Variants in SASH3 observed in about 807,000 individuals in gnomAD.
SASH3 encodes SAM and SH3 domain-containing protein 3.
A neutral mutation model predicts 26.1 loss-of-function variants in SASH3; 7 were observed. The observed-to-expected ratio is 0.27, with a 90% CI of 0.15 to 0.50. The LOEUF (loss-of-function observed/expected upper bound fraction) is 0.50. Ranked by LOEUF, SASH3 falls within the 20% of genes least tolerant of loss-of-function variation. The pLI, the probability that SASH3 is intolerant of heterozygous loss-of-function variation, is 0.98. For missense variants in SASH3, 231 were observed against 318.3 expected (o/e 0.73, Z 2.09); for synonymous variants, 138 against 136.8 (o/e 1.01, Z -0.06).
At chrX:129,793,261 G>T in intron 7 of SASH3, 122 bp downstream of exon 7, 1 of 791,300 alleles carries the variant, frequency 1.3e-6, no homozygotes. Flanking sequence ...GCAGTGGAAA[G>T]GTACTTTCCA....
chrX:129,793,965 C>T lies in SASH3; in HGVS notation c.*133C>T. ...CCTGCTTCCCCAGGGACACTTAGGG[C>T]CACAGAGGCCAGGCCAGGGCCCTAC... is the stretch of plus-strand genomic sequence containing the variant. On this transcript the variant is annotated 3_prime_UTR_variant, in exon 8 of 8. Coordinates refer to ENST00000356892, the MANE Select transcript of SASH3 (RefSeq NM_018990.4). 1.6e-6 allele frequency: 1 copy of T among 630,484 alleles called. No individual in the cohort carries two copies. The highest frequency in any genetic ancestry group is 3.6e-5 in the Admixed American group (1 of 27,801). The allele number at this position is 630,484 out of a possible 1,213,427, so 52.0% of individuals were successfully genotyped here. A position where few individuals can be genotyped will look rare whatever the true frequency, so the allele number is the denominator to read the frequency against.
At position 129,793,929 on chromosome X, in the gene SASH3, C is replaced by G; in HGVS notation, c.*97C>G. On this transcript the variant is annotated 3_prime_UTR_variant, in exon 8 of 8. Coordinates refer to ENST00000356892, the MANE Select transcript of SASH3 (RefSeq NM_018990.4). ...GTGGCCCAGGTCCTGAGGACTGGCA[C>G]TGAGCCTGGCCCTGCTTCCCCAGGG... is the stretch of plus-strand genomic sequence containing the variant. 2 of 834,772 alleles carry G rather than the reference C, an allele frequency of 2.4e-6. No homozygotes were observed. The highest frequency in any genetic ancestry group is 3.4e-6 in the Non-Finnish European group (2 of 592,119). 68.8% of individuals were successfully genotyped at this position (834,772 alleles called of 1,213,427 possible).
chrX:129,780,374 GA>G (rs1926993823), intron 1 of SASH3, among the ~76,000 whole-genome samples: 1 of 111,386 alleles, frequency 9.0e-6, no homozygotes, highest in Non-Finnish European at 1.9e-5. Context: ...TAGATCCTTA[GA>G]AATCTAGAGT....
chrX:129,790,657 G>A (rs1035538820), intron 3 of SASH3, among the ~76,000 whole-genome samples: 14 of 111,293 alleles, frequency 1.3e-4, no homozygotes, highest in East Asian at 2.8e-4. Context: ...TTGTGCCACC[G>A]TGGTCTTTTC....
chrX:129,789,110 A>AG (rs1556001559), intron 3 of SASH3, among the ~76,000 whole-genome samples: 1 of 19,854 alleles, frequency 5.0e-5, no homozygotes, highest in African/African-American at 2.5e-4. Context: ...TCAAAAAAAA[A>AG]AAGAAAGAAA....
In SASH3 at chrX:129,780,012, C is replaced by A; in HGVS notation, c.-86C>A. On this transcript the variant is annotated 5_prime_UTR_variant, in exon 1 of 8. Transcript: ENST00000356892. The stretch of plus-strand genomic sequence containing the variant: ...GAAGGCTCGGTTCATGCCGTGCCCC[C>A]GGGCAGTTCTGGTGAGGCTAAGCAA... The A allele has an allele frequency of 1.0e-6, 1 of 965,530 alleles. No individual in the cohort carries two copies. The highest frequency in any genetic ancestry group is 1.5e-6 in the Non-Finnish European group (1 of 682,410). 79.6% of individuals were successfully genotyped at this position (965,530 alleles called of 1,213,427 possible). A position where few individuals can be genotyped will look rare whatever the true frequency, so the allele number is the denominator to read the frequency against.
Position 129,788,080 on chromosome X carries a change from A to T in SASH3, c.153+10A>T. ...TAATCTGGATGATAACGTGAGTTTC[A>T]GGGCATCCTTGTGGGATCTGGCTGC... On this transcript the variant is annotated intron_variant, in intron 2 of 7. Coordinates refer to ENST00000356892, the MANE Select transcript of SASH3 (RefSeq NM_018990.4). 1.1e-6 allele frequency: 1 copy of T among 879,449 alleles called. No individual in the cohort carries two copies. Among genetic ancestry groups the T allele is most frequent in the Non-Finnish European group, 1.5e-6 (1 of 666,433 alleles). 72.5% of individuals were successfully genotyped at this position (879,449 alleles called of 1,213,427 possible). A position where few individuals can be genotyped will look rare whatever the true frequency, so the allele number is the denominator to read the frequency against.
At chrX:129,792,176 C>A in intron 4 of SASH3, 152 bp from the exon 5 acceptor site, 1 of 564,004 alleles carries the variant, frequency 1.8e-6, no homozygotes, top group Non-Finnish European at 2.7e-6. Flanking sequence ...GTTCAGAATC[C>A]CTTCTGCAGT....
chrX:129,793,731 G>A lies in SASH3; in HGVS notation c.1042G>A (p.Asp348Asn). ...VSEPKVDIPR[D>N]SGCFEGSESG... is the part of the protein sequence containing the mutation. Reference sequence around the variant, plus strand: ...GGAACCCAAGGTGGACATCCCGCGCGACTCAGGCTGCTTTGAGGGCTCGGA... The same window carrying A: ...GGAACCCAAGGTGGACATCCCGCGCAACTCAGGCTGCTTTGAGGGCTCGGA... Residue 348 changes from aspartate (D) to asparagine (N), a missense_variant, in exon 8 of 8, where the codon GAC becomes AAC. Asp to Asn is a conservative substitution (Grantham distance 23, BLOSUM62 1). Transcript: ENST00000356892. The A allele has an allele frequency of 8.3e-7, 1 of 1,211,908 alleles. No homozygotes were observed. Among genetic ancestry groups the A allele is most frequent in the Non-Finnish European group, 1.1e-6 (1 of 895,441 alleles).
At chrX:129,792,549 T>C in intron 5 of SASH3, 73 bp downstream of exon 5, 1 of 1,200,756 alleles carries the variant, frequency 8.3e-7, no homozygotes, top group African/African-American at 1.7e-5. Flanking sequence ...TGAACCAGGC[T>C]ATGACAGTGT....
chrX:129,791,482 C>T, intron 4 of SASH3, among the ~76,000 whole-genome samples: 1 of 112,333 alleles, frequency 8.9e-6, no homozygotes, highest in East Asian at 2.8e-4. Context: ...GATCCCTGGG[C>T]CTCTGATGCC....
intron 1 of SASH3, among the ~76,000 whole-genome samples, chrX:129,786,912 A>G (rs1353284648): frequency 2.7e-5 from 3 of 109,306 alleles, no homozygotes; most frequent in Non-Finnish European, 5.7e-5. Context: ...GGAGAATGGC[A>G]TGAACCTGGG....
At chrX:129,792,957 C>A in intron 6 of SASH3, 32 bp from the exon 7 acceptor site, 1 of 1,209,719 alleles carries the variant, frequency 8.3e-7, no homozygotes, top group Non-Finnish European at 1.1e-6. Flanking sequence ...GGCTGGTAAG[C>A]AGCTGTGCCG....
At chrX:129,790,807 C>A in intron 3 of SASH3, 133 bp from the exon 4 acceptor site, 1 of 628,360 alleles carries the variant, frequency 1.6e-6, no homozygotes, top group African/African-American at 2.2e-5. Context: ...TCAGAGAGTG[C>A]CATTCAGCCT....
At position 129,792,800 on chromosome X, in the gene SASH3, G is replaced by T; in HGVS notation, c.765G>T (p.Lys255Asn). The stretch of plus-strand genomic sequence containing the variant: ...GCAAGGGCAAGAGGCCCAAGCCTAA[G>T]ACCCTGCATGAGCTGCTGGAGCGCA... ...RQSKGKRPKP[K>N]TLHELLERIG... Residue 255 changes from lysine (K) to asparagine (N), a missense_variant, in exon 6 of 8, where the codon AAG (lysine) becomes AAT (asparagine). Physicochemically the swap from Lys to Asn is moderately conservative, Grantham distance 94 (BLOSUM62 0). Transcript: ENST00000356892. The T allele has an allele frequency of 8.4e-7, 1 of 1,197,422 alleles. No individual in the cohort carries two copies. Among genetic ancestry groups the T allele is most frequent in the South Asian group, 1.8e-5 (1 of 54,985 alleles).
chrX:129,791,452 A>C (rs368533581), intron 4 of SASH3, among the ~76,000 whole-genome samples: 1 of 111,898 alleles, frequency 8.9e-6, no homozygotes, highest in East Asian at 2.8e-4. Context: ...CCACCTTTCC[A>C]AGGGGAGCTA....
At chrX:129,786,070 C>G (rs1927101347) in intron 1 of SASH3, among the ~76,000 whole-genome samples, 1 of 111,333 alleles carries the variant, frequency 9.0e-6, no homozygotes, top group African/African-American at 3.3e-5. Flanking sequence ...AGAGTGGTCA[C>G]CCTGTGGTCA....
intron 7 of SASH3, 89 bp from the exon 8 acceptor site, chrX:129,793,553 G>A (rs1217452486): frequency 5.1e-6 from 5 of 975,087 alleles, no homozygotes; most frequent in Non-Finnish European, 4.2e-6. Flanking sequence ...GCGGTGGCAG[G>A]TGCCCAGAAG....
intron 1 of SASH3, among the ~76,000 whole-genome samples, chrX:129,780,739 G>A (rs1285069948): frequency 3.5e-5 from 4 of 113,144 alleles, no homozygotes; most frequent in Admixed American, 1.9e-4. Flanking sequence ...GGGGGCCTGA[G>A]GCCATTCCAG....
Sources: gnomAD v4.1 joint callset for allele counts (sites outside exome capture counted in the v4.1 genomes callset) on GRCh38, gnomAD v4.1.1 for gene constraint, MANE v1.5 for transcripts, NCBI Gene and HGNC (gene_info 2026-07-23, HGNC 2026-07-21) for gene names.